Variants in SETD3 observed in about 807,000 individuals in gnomAD.
The protein encoded by SETD3 is actin-histidine N-methyltransferase.
SETD3 carries 19 observed loss-of-function variants against 63.0 expected under a neutral mutation model. The observed-to-expected ratio is 0.30, with a 90% CI of 0.21 to 0.44. The LOEUF (loss-of-function observed/expected upper bound fraction) is 0.44. Ranked by LOEUF, SETD3 falls within the 20% of genes least tolerant of loss-of-function variation. SETD3 has a pLI of 1.00. For synonymous variants in SETD3, 286 were observed against 264.1 expected, an observed-to-expected ratio of 1.08 and a Z score of -0.80; for missense variants, 587 against 728.5, an observed-to-expected ratio of 0.81 and a Z score of 2.24.
At chr14:99,461,111 T>C in intron 4 of SETD3, 81 bp downstream of exon 4, 2 of 1,509,848 alleles carry the variant, frequency 1.3e-6, no homozygotes, top group Non-Finnish European at 1.8e-6. Context: ...ACCACACGTC[T>C]ACCTCTTCAC....
At chr14:99,461,136 A>C in intron 4 of SETD3, 56 bp downstream of exon 4, 1 of 1,594,992 alleles carries the variant, frequency 6.3e-7, no homozygotes, top group Non-Finnish European at 8.6e-7. Flanking sequence ...CGCCCTCTAC[A>C]GCACACCACA....
chr14:99,402,925 C>G (rs896669361), intron 11 of SETD3, among the ~76,000 whole-genome samples: 1 of 152,196 alleles, frequency 6.6e-6, no homozygotes, highest in Non-Finnish European at 1.5e-5. Context: ...GCCTTGAGTA[C>G]ATGAACTGCA....
Position 99,458,515 on chromosome 14 carries a change from G to A in SETD3, c.439C>T (p.Arg147Ter). The change falls in exon 6 of 13, where the codon CGA becomes TGA. Residue 147 changes from arginine (R) to a stop codon, truncating the protein, a stop_gained. Coordinates refer to ENST00000331768, the MANE Select transcript of SETD3 (RefSeq NM_032233.3). LOFTEE classifies it high-confidence loss of function. ...SVLGPLYSQDRILQAMGNIAL... is the reference protein window; with the variant it reads ...SVLGPLYSQD The stretch of plus-strand genomic sequence containing the variant: ...ATGTTTCCCATGGCTTGAAGGATTC[G>A]GTCTTGAGAATATAAGGGCCCTGAA... 3 of 1,614,036 alleles carry A rather than the reference G, an allele frequency of 1.9e-6. No homozygotes were observed. Among genetic ancestry groups the A allele is most frequent in the Non-Finnish European group, 2.5e-6 (3 of 1,179,996 alleles).
rs1352654597 is a variant in SETD3 at position 99,447,556 on chromosome 14, A to G, written c.675+10723T>C. 2.6e-5 allele frequency among the ~76,000 whole-genome samples: 4 copies of G among 152,214 alleles called. No homozygotes were observed. The East Asian group carries it at 7.7e-4, about 29-fold the overall frequency. ...GTGCTTACACACTGAACACAAATTA[A>G]TCTCAATGTCAGCTATCACGAACAG... is the stretch of plus-strand genomic sequence containing the variant. On this transcript the variant is annotated intron_variant, in intron 6 of 12. Coordinates refer to ENST00000331768, the MANE Select transcript of SETD3 (RefSeq NM_032233.3).
At chr14:99,415,541 C>A (rs1180260915) in intron 6 of SETD3, among the ~76,000 whole-genome samples, 1 of 151,928 alleles carries the variant, frequency 6.6e-6, no homozygotes, top group Non-Finnish European at 1.5e-5. Context: ...TCCTGCTATT[C>A]ATACACATTT....
intron 1 of SETD3, among the ~76,000 whole-genome samples, chr14:99,474,872 G>A (rs1317502339): frequency 3.7e-5 from 4 of 108,020 alleles, no homozygotes; most frequent in South Asian, 2.9e-4. Context: ...GTTGCTTTTC[G>A]CAATTTTTTT....
chr14:99,480,308 G>A (rs1313350247), intron 1 of SETD3, among the ~76,000 whole-genome samples: 1 of 152,070 alleles, frequency 6.6e-6, no homozygotes, highest in Non-Finnish European at 1.5e-5. Flanking sequence ...ACTAGCGCGA[G>A]GGGCCCGGGC....
At chr14:99,439,079 A>G (rs1893646019) in intron 6 of SETD3, among the ~76,000 whole-genome samples, 1 of 152,230 alleles carries the variant, frequency 6.6e-6, no homozygotes, top group African/African-American at 2.4e-5. Flanking sequence ...CACAAAGAGA[A>G]CTGCTAAAGC....
intron 1 of SETD3, among the ~76,000 whole-genome samples, chr14:99,475,443 G>A (rs987670418): frequency 6.6e-6 from 1 of 152,242 alleles, no homozygotes; most frequent in Non-Finnish European, 1.5e-5. Flanking sequence ...CCAAAGCTTC[G>A]CCTTTAGGCG....
intron 11 of SETD3, among the ~76,000 whole-genome samples, chr14:99,404,007 C>T (rs570510799): frequency 2.6e-5 from 4 of 152,258 alleles, no homozygotes; most frequent in Admixed American, 2.6e-4. Flanking sequence ...GAATTATTTG[C>T]GTATTACAAA....
At chr14:99,423,757 A>C (rs1177803697) in intron 6 of SETD3, among the ~76,000 whole-genome samples, 1 of 152,116 alleles carries the variant, frequency 6.6e-6, no homozygotes, top group Non-Finnish European at 1.5e-5. Flanking sequence ...AATCTGGAAG[A>C]ACAAAGAAGC....
Position 99,417,251 on chromosome 14 carries a change from C to T in SETD3, c.676-3317G>A, listed in dbSNP as rs77461750. Among the ~76,000 whole-genome samples the T allele has an allele frequency of 2.6e-3, 400 of 152,176 alleles. 8 individuals are homozygous for T. In the East Asian group the frequency reaches 0.043, roughly 17 times the overall value. On this transcript the variant is annotated intron_variant, in intron 6 of 12. Coordinates refer to ENST00000331768, the MANE Select transcript of SETD3 (RefSeq NM_032233.3). ...GAAGATGAAAAAATGAACAATATTC[C>T]GGCTTTAAAAAATTGATTTAGCATG... is the stretch of plus-strand genomic sequence containing the variant.
intron 6 of SETD3, among the ~76,000 whole-genome samples, chr14:99,448,027 T>C (rs914859439): frequency 4.5e-4 from 68 of 152,314 alleles, no homozygotes; most frequent in African/African-American, 1.1e-3. Flanking sequence ...CCCTTAAAAC[T>C]AGACTATTTC....
chr14:99,477,232 A>C (rs964682992), intron 1 of SETD3, among the ~76,000 whole-genome samples: 1 of 152,198 alleles, frequency 6.6e-6, no homozygotes, highest in Non-Finnish European at 1.5e-5. Context: ...TGAATTTTAT[A>C]ATCATTTGGA....
Position 99,452,039 on chromosome 14 carries a change from C to T in SETD3, c.675+6240G>A, listed in dbSNP as rs186864726. Among the ~76,000 whole-genome samples, 55 of 152,316 alleles carry T rather than the reference C, an allele frequency of 3.6e-4. 1 individual carries two copies. Among genetic ancestry groups the T allele is most frequent in the Non-Finnish European group, 5.4e-4 (37 of 68,022 alleles). Reference sequence around the variant, plus strand: ...AAAACTGGAAGGACTCCTCAAAACTCGTAAAGCCCAAGCCCCTACCATACA... The same window carrying T: ...AAAACTGGAAGGACTCCTCAAAACTTGTAAAGCCCAAGCCCCTACCATACA... On this transcript the variant is annotated intron_variant, in intron 6 of 12. Transcript: ENST00000331768.
Position 99,480,858 on chromosome 14 carries a change from C to T in SETD3, c.-139G>A, listed in dbSNP as rs1896277111. 1 of 156,108 alleles carries T rather than the reference C, an allele frequency of 6.4e-6. No homozygotes were observed. Among genetic ancestry groups the T allele is most frequent in the South Asian group, 1.9e-4 (1 of 5,332 alleles). The allele number at this position is 156,108 out of a possible 1,614,324, so 9.7% of individuals were successfully genotyped here. ...CGGACGGGAGGGGCGGGACGGCAGCCTGAGACGGCCCCGCGACCGCGGCCC... is the reference window on the plus strand; with the variant it reads ...CGGACGGGAGGGGCGGGACGGCAGCTTGAGACGGCCCCGCGACCGCGGCCC... On this transcript the variant is annotated 5_prime_UTR_variant, in exon 1 of 13. Coordinates refer to ENST00000331768, the MANE Select transcript of SETD3 (RefSeq NM_032233.3).
chr14:99,405,077 G>A, intron 10 of SETD3, 128 bp downstream of exon 10: 1 of 1,315,104 alleles, frequency 7.6e-7, no homozygotes, highest in Non-Finnish European at 1.0e-6. Context: ...AATTTGCTGT[G>A]CCACGGGGAT....
chr14:99,446,602 G>GT (rs1195658292), intron 6 of SETD3, among the ~76,000 whole-genome samples: 1 of 152,112 alleles, frequency 6.6e-6, no homozygotes, highest in Non-Finnish European at 1.5e-5. Context: ...TGCGTCACAG[G>GT]TAAGGTGGGA....
Position 99,399,257 on chromosome 14 carries a change from GGCAGGTGGTC to G in SETD3, c.1339-142_1339-133del, listed in dbSNP as rs1432574339. The G allele has an allele frequency of 7.5e-6, 5 of 665,562 alleles. No individual in the cohort carries two copies. The East Asian group carries it at 1.3e-4, about 18-fold the overall frequency. The allele number at this position is 665,562 out of a possible 1,614,324, so 41.2% of individuals were successfully genotyped here. On this transcript the variant is annotated intron_variant, in intron 12 of 12. Transcript: ENST00000331768. Reference sequence around the variant, plus strand: ...GACGGGAGGTTCTAACACTTGACTGGGCAGGTGGTCGCATGACCAGACACTCACATCAAAA... The same window carrying G: ...GACGGGAGGTTCTAACACTTGACTGGGCATGACCAGACACTCACATCAAAA...
Sources: allele counts gnomAD v4.1 joint callset (sites outside exome capture counted in the v4.1 genomes callset), GRCh38; gene constraint gnomAD v4.1.1; transcripts MANE v1.5; gene names NCBI Gene and HGNC (gene_info 2026-07-23, HGNC 2026-07-21).